The following NR4A3 variants were observed in gnomAD, a reference collection of about 807,000 sequenced individuals.
NR4A3 encodes the protein chondrosarcoma, extraskeletal myxoid, fused to EWS.
Under a neutral mutation model 55.6 loss-of-function variants are expected in NR4A3, and 13 were observed. That is an observed-to-expected ratio of 0.23 (90% CI 0.15 to 0.37). The LOEUF (loss-of-function observed/expected upper bound fraction) is 0.37. Ranked by LOEUF, NR4A3 falls within the 10% of genes least tolerant of loss-of-function variation. NR4A3 has a pLI of 1.00. For synonymous variants in NR4A3, 342 were observed against 357.9 expected, an observed-to-expected ratio of 0.96 and a Z score of 0.50; for missense variants, 646 against 822.8, an observed-to-expected ratio of 0.79 and a Z score of 2.63.
At chr9:99,850,123 G>C (rs1655055902) in intron 7 of NR4A3, among the ~76,000 whole-genome samples, 2 of 152,214 alleles carry the variant, frequency 1.3e-5, no homozygotes, top group African/African-American at 4.8e-5. Context: ...TCAGGGTGGG[G>C]CGGGACATAA....
intron 1 of NR4A3, among the ~76,000 whole-genome samples, chr9:99,823,681 C>T (rs920236232): frequency 5.3e-5 from 8 of 152,108 alleles, no homozygotes; most frequent in African/African-American, 1.9e-4. Context: ...AAGATGCTCG[C>T]AGAGTTAGTA....
intron 5 of NR4A3, among the ~76,000 whole-genome samples, 176 bp from the exon 6 acceptor site, chr9:99,844,473 T>G (rs139728040): frequency 2.9e-4 from 44 of 152,378 alleles, no homozygotes; most frequent in Middle Eastern, 3.4e-3. Flanking sequence ...GCTGTATTTG[T>G]ATCACAGGGC....
In NR4A3 at chr9:99,847,619, A is replaced by G; in HGVS notation, c.1633+4A>G. The G allele has an allele frequency of 3.1e-6, 5 of 1,612,904 alleles. No homozygotes were observed. The highest frequency in any genetic ancestry group is 4.2e-6 in the Non-Finnish European group (5 of 1,179,306). On this transcript the variant is annotated splice_donor_region_variant and intron_variant, in intron 7 of 7. Transcript: ENST00000395097. ...TCAGCACTGAGCATGATCACAGGTAAGCACCACCTTGCCAAAACCGCATCC... is the reference window on the plus strand; with the variant it reads ...TCAGCACTGAGCATGATCACAGGTAGGCACCACCTTGCCAAAACCGCATCC...
chr9:99,839,668 G>A (rs1036788741), intron 5 of NR4A3, among the ~76,000 whole-genome samples: 1 of 152,180 alleles, frequency 6.6e-6, no homozygotes, highest in African/African-American at 2.4e-5. Flanking sequence ...GGCATTGGCT[G>A]TCAGTAAATG....
chr9:99,828,910 G>C lies in NR4A3; in HGVS notation c.868G>C (p.Gly290Arg). 6.7e-7 allele frequency: 1 copy of C among 1,501,332 alleles called. No homozygotes were observed. The highest frequency in any genetic ancestry group is 8.9e-7 in the Non-Finnish European group (1 of 1,129,576). The allele number at this position is 1,501,332 out of a possible 1,614,324, so 93.0% of individuals were successfully genotyped here. A position where few individuals can be genotyped will look rare whatever the true frequency, so the allele number is the denominator to read the frequency against. Residue 290 changes from glycine to arginine, a missense_variant, in exon 3 of 8, where the codon GGC becomes CGC. Coordinates refer to ENST00000395097, the MANE Select transcript of NR4A3 (RefSeq NM_006981.4). This position sits in a 1 kb window ranked among gnomAD's most constrained non-coding sequence, Gnocchi z 7.7. ...PPSRSSSSGE[G>R]TCAVCGDNAA... ...CAGCAGGAGCTCGTCGTCTGGCGAG[G>C]GCACGTGTGCCGTGTGCGGGGACAA... is the stretch of plus-strand genomic sequence containing the variant.
chr9:99,846,610 AT>A (rs1036212512), intron 6 of NR4A3, among the ~76,000 whole-genome samples: 2 of 152,148 alleles, frequency 1.3e-5, no homozygotes, highest in African/African-American at 4.8e-5. Context: ...CCACCCTTTA[AT>A]TTGTGATAGA....
intron 2 of NR4A3, among the ~76,000 whole-genome samples, chr9:99,827,543 C>T (rs1827325527): frequency 6.6e-6 from 1 of 152,168 alleles, no homozygotes; most frequent in African/African-American, 2.4e-5. Flanking sequence ...AACTCTCTCC[C>T]TTGGCCACTA....
chr9:99,844,941 C>T, intron 6 of NR4A3, 93 bp downstream of exon 6: 1 of 996,770 alleles, frequency 1.0e-6, no homozygotes, highest in South Asian at 1.4e-5. Context: ...AACGTTTTCT[C>T]AAGAAGCAAA....
chr9:99,852,113 A>C (rs1827859371), intron 7 of NR4A3, among the ~76,000 whole-genome samples: 1 of 152,164 alleles, frequency 6.6e-6, no homozygotes, highest in Non-Finnish European at 1.5e-5. Context: ...AACTTTTTTG[A>C]GGTGAAGGAA....
At chr9:99,841,601 C>T (rs1421114520) in intron 5 of NR4A3, among the ~76,000 whole-genome samples, 1 of 152,154 alleles carries the variant, frequency 6.6e-6, no homozygotes, top group Non-Finnish European at 1.5e-5. Context: ...TATGTTATCA[C>T]ATTTAATCAT....
intron 6 of NR4A3, among the ~76,000 whole-genome samples, chr9:99,847,044 C>T (rs1165404399): frequency 6.6e-6 from 1 of 152,178 alleles, no homozygotes; most frequent in Non-Finnish European, 1.5e-5. Flanking sequence ...AGGACAAGCC[C>T]TGTCTCAGGA....
At chr9:99,841,231 G>GAAAA (rs11374154) in intron 5 of NR4A3, among the ~76,000 whole-genome samples, 1 of 129,550 alleles carries the variant, frequency 7.7e-6, no homozygotes, top group East Asian at 2.3e-4. Context: ...CTCTGTCTCC[G>GAAAA]AAAAAAAAAA....
At chr9:99,837,588 T>G (rs886922887) in intron 5 of NR4A3, among the ~76,000 whole-genome samples, 1 of 152,144 alleles carries the variant, frequency 6.6e-6, no homozygotes, top group African/African-American at 2.4e-5. Flanking sequence ...TGGGGTTTTT[T>G]TTTAAAGGCA....
At chr9:99,832,607 C>T in intron 3 of NR4A3, 82 bp from the exon 4 acceptor site, 1 of 1,201,438 alleles carries the variant, frequency 8.3e-7, no homozygotes, top group Non-Finnish European at 1.1e-6. Context: ...TCGCTTTTCA[C>T]ATTGTAATTA....
At chr9:99,845,820 C>A (rs1827744494) in intron 6 of NR4A3, among the ~76,000 whole-genome samples, 1 of 152,180 alleles carries the variant, frequency 6.6e-6, no homozygotes. Context: ...GAGACTAAAT[C>A]ATTCTGTCCT....
chr9:99,862,102 A>C (rs1489964576), intron 7 of NR4A3, among the ~76,000 whole-genome samples: 1 of 152,166 alleles, frequency 6.6e-6, no homozygotes, highest in East Asian at 1.9e-4. Context: ...TCAAAAAAAA[A>C]AAAAATTAAT....
At chr9:99,832,554 C>T (rs1827464350) in intron 3 of NR4A3, 135 bp from the exon 4 acceptor site, 5 of 654,552 alleles carry the variant, frequency 7.6e-6, no homozygotes, top group South Asian at 7.7e-5. Context: ...TGCAGGCTAG[C>T]GTTTTAGGAA....
chr9:99,826,118 T>A (rs1183810523), intron 2 of NR4A3, among the ~76,000 whole-genome samples: 2 of 152,280 alleles, frequency 1.3e-5, no homozygotes, highest in Non-Finnish European at 2.9e-5. Flanking sequence ...TATACATTTT[T>A]AATTTCATTT....
Position 99,822,131 on chromosome 9 carries a change from C to T in NR4A3, c.-453C>T, listed in dbSNP as rs1423613910. The T allele has an allele frequency of 1.3e-5, 2 of 152,944 alleles. No homozygotes were observed. The highest frequency in any genetic ancestry group is 2.9e-5 in the Non-Finnish European group (2 of 68,188). The allele number at this position is 152,944 out of a possible 1,614,324, so 9.5% of individuals were successfully genotyped here. A position where few individuals can be genotyped will look rare whatever the true frequency, so the allele number is the denominator to read the frequency against. Reference sequence around the variant, plus strand: ...CGCCCCTCCCGGGCTCACTTTGCAACGCTGACGGTGCCGGCAGTGGCCGTG... The same window carrying T: ...CGCCCCTCCCGGGCTCACTTTGCAATGCTGACGGTGCCGGCAGTGGCCGTG... On this transcript the variant is annotated 5_prime_UTR_variant, in exon 1 of 8. In the 5' UTR this introduces an upstream ATG that the reference lacks. Transcript: ENST00000395097. The surrounding 1 kb of genome is among the most constrained non-coding windows in gnomAD (Gnocchi z 4.9).
Sources: gnomAD v4.1 joint callset for allele counts (sites outside exome capture counted in the v4.1 genomes callset) on GRCh38, gnomAD v4.1.1 for gene constraint, Gnocchi (gnomAD v3.1) non-coding constraint, MANE v1.5 for transcripts, NCBI Gene and HGNC (gene_info 2026-07-23, HGNC 2026-07-21) for gene names.